PTBP3: variants seen among roughly 807,000 people sequenced by gnomAD.
PTBP3 encodes polypyrimidine tract binding protein 3.
A neutral mutation model predicts 58.7 loss-of-function variants in PTBP3; 20 were observed. The ratio of observed to expected loss-of-function variants is 0.34; its 90% CI spans 0.24 to 0.50. The LOEUF (loss-of-function observed/expected upper bound fraction) is 0.50. Among genes scored for constraint, PTBP3 ranks in the 20% least tolerant of loss-of-function variants. The pLI is 0.98. For synonymous variants in PTBP3, 185 were observed against 219.8 expected, an observed-to-expected ratio of 0.84 and a Z score of 1.40; for missense variants, 509 against 637.2, an observed-to-expected ratio of 0.80 and a Z score of 2.17.
intron 3 of PTBP3, among the ~76,000 whole-genome samples, chr9:112,273,719 C>T (rs1227804245): frequency 1.3e-5 from 2 of 152,120 alleles, no homozygotes; most frequent in African/African-American, 2.4e-5. Flanking sequence ...AAAGTCACTA[C>T]CCAGAGGAAG....
At chr9:112,280,312 T>C (rs1380363217) in intron 2 of PTBP3, among the ~76,000 whole-genome samples, 2 of 152,070 alleles carry the variant, frequency 1.3e-5, no homozygotes, top group Admixed American at 6.6e-5. Flanking sequence ...ACCTTGGCCT[T>C]CCTAAGTGCT....
intron 2 of PTBP3, among the ~76,000 whole-genome samples, chr9:112,286,056 T>C (rs1436172578): frequency 6.6e-6 from 1 of 152,246 alleles, no homozygotes; most frequent in Non-Finnish European, 1.5e-5. Flanking sequence ...CATTATGAAA[T>C]GTCTCTCTTT....
intron 2 of PTBP3, among the ~76,000 whole-genome samples, chr9:112,283,273 G>C (rs1409063193): frequency 1.3e-5 from 2 of 152,164 alleles, no homozygotes; most frequent in Non-Finnish European, 2.9e-5. Flanking sequence ...ACAGTTTGGA[G>C]GGCTCAGAAG....
intron 2 of PTBP3, among the ~76,000 whole-genome samples, chr9:112,292,005 C>T (rs764292694): frequency 6.6e-6 from 1 of 152,092 alleles, no homozygotes; most frequent in Non-Finnish European, 1.5e-5. Flanking sequence ...AGAGCTACTA[C>T]AACTCAACAA....
the PTBP3 span, among the ~76,000 whole-genome samples, chr9:112,372,604 T>C: frequency 4.6e-5 from 7 of 152,212 alleles, no homozygotes; most frequent in Non-Finnish European, 8.8e-5. Flanking sequence ...ACCAATCTGC[T>C]TTCTATCTCT....
intron 2 of PTBP3, among the ~76,000 whole-genome samples, chr9:112,286,172 A>C (rs1828104858): frequency 6.6e-6 from 1 of 152,008 alleles, no homozygotes; most frequent in Admixed American, 6.6e-5. Flanking sequence ...TTCTTTCCCA[A>C]CCTTTGGCTT....
intron 13 of PTBP3, 56 bp downstream of exon 13, chr9:112,224,077 A>C: frequency 6.5e-7 from 1 of 1,549,596 alleles, no homozygotes. Context: ...ACTACCTTTA[A>C]AATTTGCATA....
chr9:112,283,449 C>T (rs185745236), intron 2 of PTBP3, among the ~76,000 whole-genome samples: 12 of 152,292 alleles, frequency 7.9e-5, no homozygotes, highest in Admixed American at 7.8e-4. Flanking sequence ...AATGCTTTAG[C>T]AAAGAGACTG....
chr9:112,248,320 T>A (rs1399547531), intron 7 of PTBP3, among the ~76,000 whole-genome samples: 2 of 152,048 alleles, frequency 1.3e-5, no homozygotes, highest in Non-Finnish European at 2.9e-5. Context: ...GAATACATAA[T>A]GAATTCCTAC....
chr9:112,265,000 T>C (rs981971056), intron 4 of PTBP3, among the ~76,000 whole-genome samples: 1 of 152,200 alleles, frequency 6.6e-6, no homozygotes, highest in African/African-American at 2.4e-5. Context: ...AATATAACTT[T>C]CTTCTTAAAA....
chr9:112,235,012 G>C, intron 7 of PTBP3, 115 bp from the exon 8 acceptor site: 1 of 780,488 alleles, frequency 1.3e-6, no homozygotes, highest in East Asian at 2.8e-5. Context: ...CTGTTACGGA[G>C]TAAAGATCTG....
chr9:112,295,717 G>C (rs1420363572), intron 2 of PTBP3, among the ~76,000 whole-genome samples: 1 of 151,848 alleles, frequency 6.6e-6, no homozygotes. Context: ...GAAAAGTGTG[G>C]AACTTTTTCA....
chr9:112,267,586 C>T (rs542870767), intron 4 of PTBP3, among the ~76,000 whole-genome samples: 1 of 152,102 alleles, frequency 6.6e-6, no homozygotes, highest in Non-Finnish European at 1.5e-5. Context: ...ATCAAAATAA[C>T]AGAAAAATGG....
Position 112,221,239 on chromosome 9 carries a change from G to T in PTBP3, c.*2612C>A. ...TGCATATGTATATACAACTTTAGAA[G>T]AGTGTATTTATGTATATACACTTAT... On this transcript the variant is annotated 3_prime_UTR_variant, in exon 14 of 14. Transcript: ENST00000374257. 1 of 983,984 alleles carries T rather than the reference G, an allele frequency of 1.0e-6. No individual in the cohort carries two copies. The allele number at this position is 983,984 out of a possible 1,614,324, so 61.0% of individuals were successfully genotyped here.
chr9:112,369,060 T>G, the PTBP3 span, among the ~76,000 whole-genome samples: 2 of 152,196 alleles, frequency 1.3e-5, no homozygotes, highest in Non-Finnish European at 2.9e-5. Context: ...ATTGGGAACC[T>G]CCACCTAGAT....
Position 112,227,631 on chromosome 9 carries a change from G to C in PTBP3, c.1148-4C>G. On this transcript the variant is annotated splice_region_variant and splice_polypyrimidine_tract_variant and intron_variant, in intron 11 of 13. Transcript: ENST00000374257. ...TGACCACTTAGATGGTTCATTGCTA[G>C]TGCATGGGAAGAAAATTTTAAAGTT... 1 of 1,612,284 alleles carries C rather than the reference G, an allele frequency of 6.2e-7. No homozygotes were observed. Among genetic ancestry groups the C allele is most frequent in the Non-Finnish European group, 8.5e-7 (1 of 1,178,472 alleles).
the PTBP3 span, among the ~76,000 whole-genome samples, chr9:112,351,136 G>A: frequency 1.3e-5 from 2 of 152,122 alleles, no homozygotes; most frequent in Admixed American, 6.6e-5. Flanking sequence ...TATTAAGATT[G>A]GATTCATTTT....
At chr9:112,320,291 A>ATATATAT (rs1554805667) in intron 1 of PTBP3, among the ~76,000 whole-genome samples, 6 of 73,566 alleles carry the variant, frequency 8.2e-5, no homozygotes, top group Non-Finnish European at 1.1e-4. Context: ...AAAAAAAAAA[A>ATATATAT]ATATATATAT....
At chr9:112,310,171 G>A (rs150748308) in intron 1 of PTBP3, among the ~76,000 whole-genome samples, 59 of 152,190 alleles carry the variant, frequency 3.9e-4, no homozygotes, top group African/African-American at 1.3e-3. Context: ...AGGGCAGTGG[G>A]AACAAAAAAG....
Sources: allele counts gnomAD v4.1 joint callset (sites outside exome capture counted in the v4.1 genomes callset), GRCh38; gene constraint gnomAD v4.1.1; transcripts MANE v1.5; gene names NCBI Gene and HGNC (gene_info 2026-07-23, HGNC 2026-07-21).